GPR180: variants seen among roughly 807,000 people sequenced by gnomAD.
GPR180 encodes the protein integral membrane protein GPR180.
Under a neutral mutation model 52.6 loss-of-function variants are expected in GPR180, and 53 were observed. That is an observed-to-expected ratio of 1.01 (90% CI 0.81 to 1.27). The LOEUF is 1.27. GPR180 is among the 50% of genes most tolerant of loss of function. The pLI is 0.00. For missense variants in GPR180, 533 were observed against 527.0 expected (o/e 1.01, Z -0.11); for synonymous variants, 200 against 193.1 (o/e 1.04, Z -0.30).
Position 94,612,287 on chromosome 13 carries a change from T to A in GPR180, c.402T>A (p.Asp134Glu). ...ATGCAGACAAGTATACATGCCAAGA[T>A]GACAAGGAGAATTCTCAGGTGGAAG... ...VFYADKYTCQ[D>E]DKENSQVEDI... The change falls in exon 3 of 9, where the codon GAT becomes GAA. Residue 134 changes from aspartate to glutamate, a missense_variant. By Grantham distance (45) the Asp-to-Glu change is conservative. Coordinates refer to ENST00000376958, the MANE Select transcript of GPR180 (RefSeq NM_180989.6). 1 of 1,613,926 alleles carries A rather than the reference T, an allele frequency of 6.2e-7. No homozygotes were observed. Among genetic ancestry groups the A allele is most frequent in the Non-Finnish European group, 8.5e-7 (1 of 1,179,828 alleles).
At position 94,633,045 on chromosome 13, in the gene GPR180, G is replaced by A. The variant is rs1379230958; in HGVS notation, c.*5874G>A. ...CCTTGCTCTATGTATGTCTTCTTTT[G>A]GCTGTTCTGATTTGTATCCTTTTGC... On this transcript the variant is annotated 3_prime_UTR_variant, in exon 9 of 9. Transcript: ENST00000376958. 2 of 152,156 alleles carry A rather than the reference G, an allele frequency of 1.3e-5. No individual in the cohort carries two copies. The highest frequency in any genetic ancestry group is 4.8e-5 in the African/African-American group (2 of 41,408). The allele number at this position is 152,156 out of a possible 1,614,324, so 9.4% of individuals were successfully genotyped here. A position where few individuals can be genotyped will look rare whatever the true frequency, so the allele number is the denominator to read the frequency against.
At chr13:94,602,166 T>G in intron 1 of GPR180, 94 bp downstream of exon 1, 2 of 1,175,436 alleles carry the variant, frequency 1.7e-6, no homozygotes, top group Admixed American at 4.2e-5. Context: ...CCCTGCCACG[T>G]TGGGCGAGGC....
In GPR180 at chr13:94,629,403, A is replaced by G. The variant is rs1056576037; in HGVS notation, c.*2232A>G. The G allele has an allele frequency of 6.6e-5, 10 of 152,116 alleles. No individual in the cohort carries two copies. Among genetic ancestry groups the G allele is most frequent in the Non-Finnish European group, 1.3e-4 (9 of 67,982 alleles). 9.4% of individuals were successfully genotyped at this position (152,116 alleles called of 1,614,324 possible). A position where few individuals can be genotyped will look rare whatever the true frequency, so the allele number is the denominator to read the frequency against. ...TTCTTCCCTTAAAAAATAGATGCTT[A>G]TTTTTATTGACATGTGTATAATAAG... On this transcript the variant is annotated 3_prime_UTR_variant, in exon 9 of 9. Coordinates refer to ENST00000376958, the MANE Select transcript of GPR180 (RefSeq NM_180989.6).
At chr13:94,619,726 T>C (rs1326001106) in intron 5 of GPR180, among the ~76,000 whole-genome samples, 2 of 152,166 alleles carry the variant, frequency 1.3e-5, no homozygotes, top group African/African-American at 4.8e-5. Flanking sequence ...TTTTTTTGTT[T>C]GTTTGTTTGA....
chr13:94,613,353 G>C (rs1023281275), intron 3 of GPR180, among the ~76,000 whole-genome samples: 2 of 152,186 alleles, frequency 1.3e-5, no homozygotes, highest in African/African-American at 4.8e-5. Context: ...TGAGAATTGT[G>C]ACAGTAGGTC....
At position 94,628,994 on chromosome 13, in the gene GPR180, T is replaced by C. The variant is rs1889961421; in HGVS notation, c.*1823T>C. ...ACATATATGAAATTTATTACTCTGC[T>C]TGCATTTATGAAACTAACCAGTTTT... On this transcript the variant is annotated 3_prime_UTR_variant, in exon 9 of 9. Coordinates refer to ENST00000376958, the MANE Select transcript of GPR180 (RefSeq NM_180989.6). The C allele has an allele frequency of 6.6e-6, 1 of 152,174 alleles. No individual in the cohort carries two copies. The highest frequency in any genetic ancestry group is 6.5e-5 in the Admixed American group (1 of 15,288). 9.4% of individuals were successfully genotyped at this position (152,174 alleles called of 1,614,324 possible). A position where few individuals can be genotyped will look rare whatever the true frequency, so the allele number is the denominator to read the frequency against.
chr13:94,606,547 C>A (rs893473639), intron 2 of GPR180, among the ~76,000 whole-genome samples: 2 of 152,188 alleles, frequency 1.3e-5, no homozygotes, highest in Non-Finnish European at 2.9e-5. Context: ...GTGTAGAAGA[C>A]ATTAGAAATT....
At chr13:94,621,573 C>T (rs909983213) in intron 6 of GPR180, among the ~76,000 whole-genome samples, 3 of 152,100 alleles carry the variant, frequency 2.0e-5, no homozygotes, top group African/African-American at 4.8e-5. Context: ...TTTCATATTT[C>T]TCTAGCACAT....
At chr13:94,622,407 T>C (rs778646965) in intron 6 of GPR180, among the ~76,000 whole-genome samples, 104 of 152,330 alleles carry the variant, frequency 6.8e-4, no homozygotes, top group Non-Finnish European at 1.1e-3. Context: ...AGAGTTTATA[T>C]GAACATTTAT....
At chr13:94,614,135 C>CT (rs1594474407) in intron 3 of GPR180, among the ~76,000 whole-genome samples, 1 of 151,816 alleles carries the variant, frequency 6.6e-6, no homozygotes, top group African/African-American at 2.4e-5. Context: ...TCCCAAAGTG[C>CT]TGGGATTACA....
Position 94,626,041 on chromosome 13 carries a change from A to G in GPR180, c.1162A>G (p.Lys388Glu). The stretch of plus-strand genomic sequence containing the variant: ...CATTTTTAGCGACTACCAAAGAGAC[A>G]AGGTAAGAAATATACATGATCAAAG... ...SVIFSDYQRD[K>E]VITIGVILCQ... Residue 388 changes from lysine (K) to glutamate (E), a missense_variant and splice_region_variant, in exon 8 of 9, where the codon AAG (lysine) becomes GAG (glutamate). Physicochemically the swap from Lys to Glu is moderately conservative, Grantham distance 56. Coordinates refer to ENST00000376958, the MANE Select transcript of GPR180 (RefSeq NM_180989.6). 2 of 1,603,220 alleles carry G rather than the reference A, an allele frequency of 1.2e-6. No homozygotes were observed. The highest frequency in any genetic ancestry group is 1.1e-5 in the South Asian group (1 of 90,686).
chr13:94,609,365 A>T (rs1326904629), intron 2 of GPR180, among the ~76,000 whole-genome samples: 1 of 152,216 alleles, frequency 6.6e-6, no homozygotes, highest in African/African-American at 2.4e-5. Context: ...GAAACAATGA[A>T]CACACAGTTT....
rs1890029377 is a variant in GPR180, at chr13:94,633,714, C to T, written c.*6543C>T. 6.6e-6 allele frequency: 1 copy of T among 151,536 alleles called. No homozygotes were observed. The highest frequency in any genetic ancestry group is 2.4e-5 in the African/African-American group (1 of 41,214). The allele number at this position is 151,536 out of a possible 1,614,324, so 9.4% of individuals were successfully genotyped here. On this transcript the variant is annotated 3_prime_UTR_variant, in exon 9 of 9. Coordinates refer to ENST00000376958, the MANE Select transcript of GPR180 (RefSeq NM_180989.6). ...GTTTTTTTAATGCAGGTGGAATTAT[C>T]AGTCTTTCATTTTTTTCTTCTGTGT...
rs553275704 is a variant in GPR180, at chr13:94,624,385, G to C, written c.1086+1085G>C. Among the ~76,000 whole-genome samples, 7 of 152,222 alleles carry C rather than the reference G, an allele frequency of 4.6e-5. No homozygotes were observed. The South Asian group carries it at 1.0e-3, about 23-fold the overall frequency. On this transcript the variant is annotated intron_variant, in intron 7 of 8. Coordinates refer to ENST00000376958, the MANE Select transcript of GPR180 (RefSeq NM_180989.6). ...AGATTCCTGCTTTATTCCTAGTGTTGAGCATTGCAAAGCTGCTGCTGCTGC... is the reference window on the plus strand; with the variant it reads ...AGATTCCTGCTTTATTCCTAGTGTTCAGCATTGCAAAGCTGCTGCTGCTGC...
chr13:94,621,227 A>G lies in GPR180; in HGVS notation c.886A>G (p.Met296Val). 2 of 1,596,792 alleles carry G rather than the reference A, an allele frequency of 1.3e-6. No individual in the cohort carries two copies. Among genetic ancestry groups the G allele is most frequent in the African/African-American group, 2.7e-5 (2 of 74,242 alleles). ...ASTGIAVFIV[M>V]TQSVLLLWEQ... Reference sequence around the variant, plus strand: ...CACTGGCATTGCAGTATTCATTGTCATGACACAGGTGGGTATTGATACTCA... The same window carrying G: ...CACTGGCATTGCAGTATTCATTGTCGTGACACAGGTGGGTATTGATACTCA... Residue 296 changes from methionine (M) to valine (V), a missense_variant, in exon 6 of 9, where the codon ATG (methionine) becomes GTG (valine). Coordinates refer to ENST00000376958, the MANE Select transcript of GPR180 (RefSeq NM_180989.6).
At chr13:94,603,075 G>A (rs998504682) in intron 1 of GPR180, among the ~76,000 whole-genome samples, 5 of 116,666 alleles carry the variant, frequency 4.3e-5, no homozygotes, top group Non-Finnish European at 6.9e-5. Flanking sequence ...AAAGGGAAGG[G>A]ATCCTGATTT....
chr13:94,609,612 TTA>T (rs1430112810), intron 2 of GPR180, among the ~76,000 whole-genome samples: 2 of 152,126 alleles, frequency 1.3e-5, no homozygotes, highest in African/African-American at 2.4e-5. Context: ...GAGGTCCGGA[TTA>T]TATAATTGCA....
Position 94,627,367 on chromosome 13 carries a change from T to G in GPR180, c.*196T>G. ...TAAATGAAATGTTTTGAAATATACT[T>G]AAACAACAAACTTTGAAGAAAGTGT... On this transcript the variant is annotated 3_prime_UTR_variant, in exon 9 of 9. Transcript: ENST00000376958. 1 of 479,350 alleles carries G rather than the reference T, an allele frequency of 2.1e-6. No homozygotes were observed. Among genetic ancestry groups the G allele is most frequent in the Non-Finnish European group, 3.6e-6 (1 of 276,972 alleles). The allele number at this position is 479,350 out of a possible 1,614,324, so 29.7% of individuals were successfully genotyped here. A position where few individuals can be genotyped will look rare whatever the true frequency, so the allele number is the denominator to read the frequency against.
chr13:94,602,555 T>A (rs1028979189), intron 1 of GPR180, among the ~76,000 whole-genome samples: 2 of 149,212 alleles, frequency 1.3e-5, no homozygotes. Flanking sequence ...GGAAACCAAG[T>A]AAAACACTTG....
Sources: allele counts gnomAD v4.1 joint callset (sites outside exome capture counted in the v4.1 genomes callset), GRCh38; gene constraint gnomAD v4.1.1; transcripts MANE v1.5; gene names NCBI Gene and HGNC (gene_info 2026-07-23, HGNC 2026-07-21).